ABHD17C: variants seen among roughly 807,000 people sequenced by gnomAD.
The protein encoded by ABHD17C is abhydrolase domain containing 17C, depalmitoylase.
In ABHD17C, 11 loss-of-function variants were observed where a neutral mutation model predicts 27.9. The ratio of observed to expected loss-of-function variants is 0.39; its 90% CI spans 0.25 to 0.65. ABHD17C has a LOEUF of 0.65. ABHD17C is among the 30% of genes least tolerant of loss of function. The probability of loss-of-function intolerance (pLI) is 0.45; values close to 1 mark genes in which losing one functional copy is unlikely to be tolerated. For missense variants in ABHD17C, 280 were observed against 470.2 expected (o/e 0.60, Z 3.74); for synonymous variants, 233 against 209.1 (o/e 1.11, Z -0.98).
chr15:80,733,599 G>T (rs372124965), intron 1 of ABHD17C, among the ~76,000 whole-genome samples: 146 of 152,288 alleles, frequency 9.6e-4, no homozygotes, highest in African/African-American at 3.4e-3. Context: ...TCTATCCCCA[G>T]TAAGTCACTA....
intron 1 of ABHD17C, among the ~76,000 whole-genome samples, chr15:80,737,996 C>G (rs1476308563): frequency 6.6e-6 from 1 of 151,178 alleles, no homozygotes; most frequent in Non-Finnish European, 1.5e-5. Context: ...GAAGATATAT[C>G]TGTTGGGAAG....
At chr15:80,743,555 C>A (rs1415943794) in intron 1 of ABHD17C, among the ~76,000 whole-genome samples, 1 of 152,094 alleles carries the variant, frequency 6.6e-6, no homozygotes, top group Admixed American at 6.5e-5. Flanking sequence ...TGCTAAAAAT[C>A]CTGCATGAAT....
intron 1 of ABHD17C, among the ~76,000 whole-genome samples, chr15:80,729,562 A>G (rs74438474): frequency 0.091 from 13,755 of 151,808 alleles, 878 homozygotes; most frequent in Middle Eastern, 0.19. Flanking sequence ...GTTTTGGGTG[A>G]AAAAAAACAG....
chr15:80,752,514 A>T (rs1895378311), intron 2 of ABHD17C, among the ~76,000 whole-genome samples: 1 of 152,232 alleles, frequency 6.6e-6, no homozygotes, highest in East Asian at 1.9e-4. Flanking sequence ...TTCCTCCTTG[A>T]TAAAACAGAG....
intron 1 of ABHD17C, among the ~76,000 whole-genome samples, chr15:80,722,974 T>G (rs574466720): frequency 7.9e-5 from 12 of 152,320 alleles, no homozygotes; most frequent in Non-Finnish European, 1.5e-4. Flanking sequence ...AATAACAGTG[T>G]TTAAGCAATG....
intron 1 of ABHD17C, among the ~76,000 whole-genome samples, chr15:80,741,070 C>G (rs1265251096): frequency 1.3e-5 from 2 of 152,140 alleles, no homozygotes; most frequent in Non-Finnish European, 2.9e-5. Flanking sequence ...CTTCCTTCAT[C>G]TGCCATGACA....
chr15:80,718,072 G>T (rs1894832769), intron 1 of ABHD17C, among the ~76,000 whole-genome samples: 1 of 152,104 alleles, frequency 6.6e-6, no homozygotes, highest in South Asian at 2.1e-4. Context: ...CAAAACAGAA[G>T]CCTACTTGAG....
intron 1 of ABHD17C, among the ~76,000 whole-genome samples, chr15:80,705,427 CT>C (rs1894634999): frequency 6.7e-6 from 1 of 149,534 alleles, no homozygotes; most frequent in Non-Finnish European, 1.5e-5. Flanking sequence ...CTGTGATTAG[CT>C]GCTTGACCTC....
chr15:80,738,554 A>G (rs11630109), intron 1 of ABHD17C, among the ~76,000 whole-genome samples: 2,342 of 152,320 alleles, frequency 0.015, 39 homozygotes, highest in Non-Finnish European at 0.024. Context: ...CAGAGAAACA[A>G]TGGGTCTGTA....
Position 80,695,915 on chromosome 15 carries a change from C to T in ABHD17C, c.486C>T (p.Asn162=), listed in dbSNP as rs763098890. 22 of 1,597,500 alleles carry T rather than the reference C, an allele frequency of 1.4e-5. No homozygotes were observed. Among genetic ancestry groups the T allele is most frequent in the Non-Finnish European group, 1.8e-5 (21 of 1,179,350 alleles). ...GCCTCGGCTCCCGCATCAACTGCAA[C>T]ATCTTCTCCTACGACTACTCGGGAT... ...YIGLGSRINC[N]IFSYDYSGYG... The change falls in exon 1 of 3, where the codon AAC becomes AAT. Residue 162 remains asparagine, a synonymous_variant. Coordinates refer to ENST00000258884, the MANE Select transcript of ABHD17C (RefSeq NM_021214.2). The surrounding 1 kb of genome is among the most constrained non-coding windows in gnomAD (Gnocchi z 4.3).
chr15:80,704,631 A>C (rs1332582837), intron 1 of ABHD17C: 2 of 151,404 alleles, frequency 1.3e-5, no homozygotes, highest in Admixed American at 6.6e-5. Flanking sequence ...CAGTCCTGAG[A>C]GAAGGGGCCT....
intron 1 of ABHD17C, among the ~76,000 whole-genome samples, chr15:80,728,262 G>C (rs919003513): frequency 1.3e-5 from 2 of 152,176 alleles, no homozygotes; most frequent in Non-Finnish European, 2.9e-5. Context: ...GTATGAACAC[G>C]TGCACGCACA....
At chr15:80,727,946 G>C (rs2141508340) in intron 1 of ABHD17C, among the ~76,000 whole-genome samples, 1 of 152,248 alleles carries the variant, frequency 6.6e-6, no homozygotes, top group East Asian at 1.9e-4. Flanking sequence ...GTCATTGGTG[G>C]CTCCGTGGAG....
chr15:80,726,400 T>C (rs1260426060), intron 1 of ABHD17C, among the ~76,000 whole-genome samples: 2 of 152,214 alleles, frequency 1.3e-5, no homozygotes, highest in Non-Finnish European at 2.9e-5. Context: ...TGATTTCTTC[T>C]TGACTCAGGA....
At chr15:80,697,118 C>G (rs971483317) in intron 1 of ABHD17C, among the ~76,000 whole-genome samples, 4 of 152,038 alleles carry the variant, frequency 2.6e-5, no homozygotes, top group African/African-American at 9.7e-5. Context: ...TTCGTACTCA[C>G]GCATATGTTC....
rs561382970 is a variant in ABHD17C at position 80,713,977 on chromosome 15, A to G, written c.590+17958A>G. 8.6e-5 allele frequency among the ~76,000 whole-genome samples: 13 copies of G among 151,536 alleles called. No homozygotes were observed. The East Asian group carries it at 2.5e-3, about 29-fold the overall frequency. Reference sequence around the variant, plus strand: ...ATTTATTATTTTTCTTTTCTGAGACATGGTCTTGCTCTGTCACCCAGGCTG... The same window carrying G: ...ATTTATTATTTTTCTTTTCTGAGACGTGGTCTTGCTCTGTCACCCAGGCTG... On this transcript the variant is annotated intron_variant, in intron 1 of 2. Transcript: ENST00000258884.
intron 1 of ABHD17C, among the ~76,000 whole-genome samples, chr15:80,728,191 G>A (rs758009151): frequency 2.6e-5 from 4 of 152,274 alleles, no homozygotes; most frequent in Admixed American, 2.0e-4. Flanking sequence ...TTATTCTGTT[G>A]TGTGCCACGT....
chr15:80,713,774 A>C (rs1033140824), intron 1 of ABHD17C, among the ~76,000 whole-genome samples: 1 of 151,782 alleles, frequency 6.6e-6, no homozygotes, highest in Non-Finnish European at 1.5e-5. Flanking sequence ...GTGCCATTGC[A>C]CTCCAGCCTG....
intron 1 of ABHD17C, among the ~76,000 whole-genome samples, chr15:80,708,051 C>T (rs573439340): frequency 2.0e-5 from 3 of 152,324 alleles, no homozygotes; most frequent in Admixed American, 6.5e-5. Flanking sequence ...GCCCCGGGCA[C>T]TGTCAGCGCA....
Sources: allele counts gnomAD v4.1 joint callset (sites outside exome capture counted in the v4.1 genomes callset), GRCh38; gene constraint gnomAD v4.1.1; non-coding constraint Gnocchi (gnomAD v3.1); transcripts MANE v1.5; gene names NCBI Gene and HGNC (gene_info 2026-07-23, HGNC 2026-07-21).